SEC24C: variants seen among roughly 807,000 people sequenced by gnomAD.
SEC24C encodes the protein protein transport protein Sec24C.
SEC24C carries 22 observed loss-of-function variants against 117.0 expected under a neutral mutation model. That is an observed-to-expected ratio of 0.19 (90% CI 0.13 to 0.27). SEC24C has a LOEUF of 0.27. SEC24C is among the 10% of genes least tolerant of loss of function. The pLI is 1.00. For missense variants in SEC24C, 1,155 were observed against 1,375.1 expected, an observed-to-expected ratio of 0.84 and a Z score of 2.53; for synonymous variants, 506 against 529.4, an observed-to-expected ratio of 0.96 and a Z score of 0.61.
intron 3 of SEC24C, among the ~76,000 whole-genome samples, chr10:73,755,512 C>T (rs1168926004): frequency 6.6e-6 from 1 of 151,764 alleles, no homozygotes; most frequent in Non-Finnish European, 1.5e-5. Flanking sequence ...CCCGTCTCTA[C>T]TAAAAATACA....
At chr10:73,744,750 ATCCTCGGCTC>A (rs1589504211) in intron 1 of SEC24C, among the ~76,000 whole-genome samples, 2 of 151,928 alleles carry the variant, frequency 1.3e-5, no homozygotes, top group East Asian at 1.9e-4. Flanking sequence ...CTCGGTTTTG[ATCCTCGGCTC>A]TCCGAGGCTC....
chr10:73,746,743 T>C (rs1014951221), intron 1 of SEC24C, 62 bp from the exon 2 acceptor site: 3 of 1,147,708 alleles, frequency 2.6e-6, no homozygotes, highest in East Asian at 2.6e-5. Context: ...CTCTACTTCC[T>C]GCCCTGAATA....
chr10:73,763,413 C>G, intron 6 of SEC24C, 77 bp from the exon 7 acceptor site: 2 of 974,330 alleles, frequency 2.1e-6, no homozygotes, highest in Non-Finnish European at 3.2e-6. Context: ...ACAGCTCTAG[C>G]CTTTTTCACT....
intron 6 of SEC24C, 62 bp downstream of exon 6, chr10:73,760,911 C>A: frequency 1.4e-6 from 2 of 1,470,466 alleles, no homozygotes; most frequent in Admixed American, 2.4e-5. Flanking sequence ...GCAGGTCAAT[C>A]TAGATGAAAT....
intron 13 of SEC24C, 29 bp downstream of exon 13, chr10:73,766,882 C>G: frequency 1.3e-6 from 2 of 1,588,084 alleles, no homozygotes; most frequent in Non-Finnish European, 1.7e-6. Context: ...GCAACCTCCT[C>G]TAACTCCATT....
rs1409401396 is a variant in SEC24C at position 73,751,330 on chromosome 10, G to T, written c.308+87G>T. 2.2e-6 allele frequency: 3 copies of T among 1,353,028 alleles called. No homozygotes were observed. In the African/African-American group the frequency reaches 4.3e-5, roughly 20 times the overall value. The allele number at this position is 1,353,028 out of a possible 1,614,324, so 83.8% of individuals were successfully genotyped here. ...AATCCCAGCACTTTGGGAGGCTGAG[G>T]TGGGTGGATCACCTGAGGTCAGGAG... On this transcript the variant is annotated intron_variant, in intron 3 of 22. Transcript: ENST00000345254.
chr10:73,765,599 T>C lies in SEC24C; in HGVS notation c.1366+10T>C, dbSNP rs749696406. 6.8e-6 allele frequency: 11 copies of C among 1,612,292 alleles called. No individual in the cohort carries two copies. Among genetic ancestry groups the C allele is most frequent in the South Asian group, 1.1e-5 (1 of 91,074 alleles). On this transcript the variant is annotated intron_variant, in intron 9 of 22. Coordinates refer to ENST00000345254, the MANE Select transcript of SEC24C (RefSeq NM_198597.3). The stretch of plus-strand genomic sequence containing the variant: ...AGCTGTATCAATGATGGTATGTTCA[T>C]GGAAGCTGGGATTTGGGGGAAGGTC...
In SEC24C at chr10:73,771,493, C is replaced by T. The variant is rs1236663818; in HGVS notation, c.*398C>T. 1 of 184,974 alleles carries T rather than the reference C, an allele frequency of 5.4e-6. No individual in the cohort carries two copies. The highest frequency in any genetic ancestry group is 1.1e-4 in the South Asian group (1 of 8,998). 11.5% of individuals were successfully genotyped at this position (184,974 alleles called of 1,614,324 possible). A position where few individuals can be genotyped will look rare whatever the true frequency, so the allele number is the denominator to read the frequency against. On this transcript the variant is annotated 3_prime_UTR_variant, in exon 23 of 23. Coordinates refer to ENST00000345254, the MANE Select transcript of SEC24C (RefSeq NM_198597.3). ...GATCCTAAGGTTACTACAGGGGGCTCAGTGTCATCCACAACTTCCTATATT... is the reference window on the plus strand; with the variant it reads ...GATCCTAAGGTTACTACAGGGGGCTTAGTGTCATCCACAACTTCCTATATT...
chr10:73,767,214 A>G (rs975371395), intron 14 of SEC24C, 44 bp downstream of exon 14: 14 of 1,302,998 alleles, frequency 1.1e-5, no homozygotes, highest in Non-Finnish European at 1.2e-5. Context: ...TTTTCATTAC[A>G]GAGGAAGTGG....
At position 73,763,669 on chromosome 10, in the gene SEC24C, T is replaced by A; in HGVS notation, c.1099+68T>A. The A allele has an allele frequency of 1.1e-4, 36 of 316,316 alleles. No individual in the cohort carries two copies. The South Asian group carries it at 1.8e-3, about 16-fold the overall frequency. The allele number at this position is 316,316 out of a possible 1,614,324, so 19.6% of individuals were successfully genotyped here. A position where few individuals can be genotyped will look rare whatever the true frequency, so the allele number is the denominator to read the frequency against. On this transcript the variant is annotated intron_variant, in intron 7 of 22. Coordinates refer to ENST00000345254, the MANE Select transcript of SEC24C (RefSeq NM_198597.3). ...AGATTATCAGCTTATGGTTGGGGCT[T>A]TTTTTTTTTTTTTTTTTTTTTTTTT... is the stretch of plus-strand genomic sequence containing the variant.
At position 73,770,498 on chromosome 10, in the gene SEC24C, T is replaced by C. The variant is rs375377434; in HGVS notation, c.3054+27T>C. 89 of 1,610,624 alleles carry C rather than the reference T, an allele frequency of 5.5e-5. No individual in the cohort carries two copies. In the African/African-American group the frequency reaches 8.3e-4, roughly 15 times the overall value. Reference sequence around the variant, plus strand: ...TGAGGGCAGGGAGTCAAGGAGAATATGGGTGTGGAAGTATACTTTGTGAAA... The same window carrying C: ...TGAGGGCAGGGAGTCAAGGAGAATACGGGTGTGGAAGTATACTTTGTGAAA... On this transcript the variant is annotated intron_variant, in intron 21 of 22. Transcript: ENST00000345254.
chr10:73,749,545 T>C (rs1417583801), intron 2 of SEC24C, among the ~76,000 whole-genome samples: 3 of 151,408 alleles, frequency 2.0e-5, no homozygotes, highest in Non-Finnish European at 2.9e-5. Flanking sequence ...TTTTCTTTTT[T>C]TTTTTTTTTC....
rs141529584 is a variant in SEC24C, at chr10:73,760,154, C to T, written c.618C>T (p.Ala206=). The change falls in exon 5 of 23, where the codon GCC becomes GCT. Residue 206 remains alanine (A), a synonymous_variant. Transcript: ENST00000345254. ...GGATCCAGACTCCCCAGCGATCTGC[C>T]CCATCACAGGCCTCCAGCTTCACAC... ...HPGIQTPQRS[A]PSQASSFTPP... 608 of 1,614,052 alleles carry T rather than the reference C, an allele frequency of 3.8e-4. No individual in the cohort carries two copies. The highest frequency in any genetic ancestry group is 4.8e-4 in the Non-Finnish European group (571 of 1,180,032).
Position 73,771,138 on chromosome 10 carries a change from A to G in SEC24C, c.*43A>G, listed in dbSNP as rs965504986. On this transcript the variant is annotated 3_prime_UTR_variant, in exon 23 of 23. Coordinates refer to ENST00000345254, the MANE Select transcript of SEC24C (RefSeq NM_198597.3). ...CATAGGGCCCAGGCTAGCTTCCAGAAAGCACCCCAGGATGTCAGAGAAATT... is the reference window on the plus strand; with the variant it reads ...CATAGGGCCCAGGCTAGCTTCCAGAGAGCACCCCAGGATGTCAGAGAAATT... 17 of 1,599,122 alleles carry G rather than the reference A, an allele frequency of 1.1e-5. No individual in the cohort carries two copies. Among genetic ancestry groups the G allele is most frequent in the African/African-American group, 2.7e-5 (2 of 74,310 alleles).
chr10:73,761,976 T>G, intron 6 of SEC24C: 1 of 549,852 alleles, frequency 1.8e-6, no homozygotes, highest in South Asian at 1.7e-5. Context: ...TTCAGCAATA[T>G]GAGCTGGGCT....
At chr10:73,762,404 C>T (rs1404770369) in intron 6 of SEC24C, among the ~76,000 whole-genome samples, 1 of 152,112 alleles carries the variant, frequency 6.6e-6, no homozygotes, top group Non-Finnish European at 1.5e-5. Flanking sequence ...GAAGGTCAGG[C>T]TCTAAGGGTG....
intron 21 of SEC24C, 42 bp from the exon 22 acceptor site, chr10:73,770,667 C>CA (rs746459233): frequency 3.3e-5 from 53 of 1,603,598 alleles, no homozygotes; most frequent in Middle Eastern, 3.3e-4. Flanking sequence ...TGACTGAACT[C>CA]AGAGTGCCTT....
intron 9 of SEC24C, 74 bp from the exon 10 acceptor site, chr10:73,765,726 G>C: frequency 1.9e-6 from 3 of 1,559,154 alleles, no homozygotes; most frequent in Non-Finnish European, 2.6e-6. Context: ...GGATAGTGGT[G>C]TGAGCTCAGC....
chr10:73,763,065 C>G (rs889927125), intron 6 of SEC24C, among the ~76,000 whole-genome samples: 3 of 152,106 alleles, frequency 2.0e-5, no homozygotes, highest in Non-Finnish European at 4.4e-5. Context: ...TTACTGTTGT[C>G]TGTTTTCCTG....
Sources: gnomAD v4.1 joint callset for allele counts (sites outside exome capture counted in the v4.1 genomes callset) on GRCh38, gnomAD v4.1.1 for gene constraint, MANE v1.5 for transcripts, NCBI Gene and HGNC (gene_info 2026-07-23, HGNC 2026-07-21) for gene names.